Variants in KLF8 observed in about 807,000 individuals in gnomAD.
The protein encoded by KLF8 is KLF transcription factor 8, also known as Krueppel-like factor 8.
KLF8 carries 10 observed loss-of-function variants against 18.2 expected under a neutral mutation model. That is an observed-to-expected ratio of 0.55 (90% confidence interval 0.34 to 0.93). The LOEUF is 0.93. KLF8 is among the 40% of genes least tolerant of loss of function. KLF8 has a pLI of 0.02. For missense variants in KLF8, 264 were observed against 277.9 expected (o/e 0.95, Z 0.36); for synonymous variants, 109 against 97.3 (o/e 1.12, Z -0.71).
chrX:55,951,724 G>T, the KLF8 span, among the ~76,000 whole-genome samples: 1 of 110,184 alleles, frequency 9.1e-6, no homozygotes, highest in Non-Finnish European at 1.9e-5. Flanking sequence ...GACCTTAAAA[G>T]ATCTGGTAAA....
the KLF8 span, among the ~76,000 whole-genome samples, chrX:55,951,747 T>A: frequency 1.8e-5 from 2 of 110,386 alleles, no homozygotes; most frequent in South Asian, 7.8e-4. Context: ...TATATATATA[T>A]AGGAACAGTG....
At chrX:55,956,162 T>TATC in the KLF8 span, among the ~76,000 whole-genome samples, 66 of 87,527 alleles carry the variant, frequency 7.5e-4, no homozygotes, top group African/African-American at 4.0e-3. Context: ...TCTATCTATC[T>TATC]ATCTATCATC....
At chrX:56,183,808 T>C in the KLF8 span, among the ~76,000 whole-genome samples, 1 of 111,653 alleles carries the variant, frequency 9.0e-6, no homozygotes, top group Non-Finnish European at 1.9e-5. Flanking sequence ...TCAATAATAA[T>C]ATTTATTGTA....
At chrX:56,269,171 G>A in intron 3 of KLF8, 1 of 1,004,512 alleles carries the variant, frequency 1.0e-6, no homozygotes, top group South Asian at 3.1e-5. Context: ...TACTTTAAAG[G>A]CATTTCTGTT....
the KLF8 span, among the ~76,000 whole-genome samples, chrX:56,019,510 C>A: frequency 8.9e-6 from 1 of 112,550 alleles, no homozygotes; most frequent in African/African-American, 3.2e-5. Context: ...ATGCAGCAAA[C>A]TCTGCAAAGA....
chrX:56,057,106 G>T, the KLF8 span, among the ~76,000 whole-genome samples: 7 of 111,819 alleles, frequency 6.3e-5, no homozygotes, highest in Admixed American at 1.9e-4. Flanking sequence ...GGGGCCAAGG[G>T]GTCCTTTTTT....
At chrX:55,977,712 G>T in the KLF8 span, among the ~76,000 whole-genome samples, 1 of 111,650 alleles carries the variant, frequency 9.0e-6, no homozygotes, top group South Asian at 3.7e-4. Context: ...ATGTTAAAGG[G>T]TAGCCATTGG....
At chrX:56,190,439 A>C in the KLF8 span, among the ~76,000 whole-genome samples, 1 of 111,984 alleles carries the variant, frequency 8.9e-6, no homozygotes, top group Non-Finnish European at 1.9e-5. Flanking sequence ...GGAAATCAAC[A>C]AAGAATAATC....
At chrX:56,113,089 T>A in the KLF8 span, among the ~76,000 whole-genome samples, 2 of 109,196 alleles carry the variant, frequency 1.8e-5, no homozygotes, top group African/African-American at 3.3e-5. Flanking sequence ...GGTACATGGC[T>A]GTAGTCCCAG....
the KLF8 span, among the ~76,000 whole-genome samples, chrX:56,183,312 G>T: frequency 1.5e-4 from 17 of 112,231 alleles, no homozygotes; most frequent in Non-Finnish European, 3.0e-4. Context: ...TACTAAGACT[G>T]ATGGAAAAGT....
chrX:56,058,743 G>T, the KLF8 span, among the ~76,000 whole-genome samples: 5 of 111,021 alleles, frequency 4.5e-5, no homozygotes, highest in African/African-American at 1.6e-4. Context: ...TCTTTATCCA[G>T]TCTATCATTG....
chrX:56,201,825 T>C, the KLF8 span, among the ~76,000 whole-genome samples: 3 of 111,774 alleles, frequency 2.7e-5, no homozygotes, highest in East Asian at 8.3e-4. Context: ...AAAAACCCAG[T>C]AGCCTAAATA....
the KLF8 span, among the ~76,000 whole-genome samples, chrX:56,101,086 A>G: frequency 2.7e-5 from 3 of 111,246 alleles, no homozygotes; most frequent in Admixed American, 2.9e-4. Flanking sequence ...GAGCATAGTA[A>G]CCAATAGGTA....
the KLF8 span, among the ~76,000 whole-genome samples, chrX:56,167,577 C>A: frequency 8.9e-6 from 1 of 111,810 alleles, no homozygotes; most frequent in African/African-American, 3.2e-5. Flanking sequence ...ACTAGGAAAC[C>A]CCCTGAGAGT....
the KLF8 span, among the ~76,000 whole-genome samples, chrX:56,101,543 C>A: frequency 0.027 from 2,983 of 111,833 alleles, 93 homozygotes; most frequent in African/African-American, 0.093. Flanking sequence ...AATCTCCAAA[C>A]TGCTTTCCAC....
At chrX:56,051,723 T>C in the KLF8 span, among the ~76,000 whole-genome samples, 71 of 108,567 alleles carry the variant, frequency 6.5e-4, no homozygotes, top group African/African-American at 1.9e-3. Context: ...ATTTCAACTT[T>C]GGTGAATCTG....
the KLF8 span, among the ~76,000 whole-genome samples, chrX:56,195,469 G>A: frequency 3.6e-5 from 4 of 111,971 alleles, no homozygotes; most frequent in African/African-American, 1.3e-4. Context: ...CAATGAAGTG[G>A]AAGAAAGGGT....
the KLF8 span, among the ~76,000 whole-genome samples, chrX:56,049,661 C>T: frequency 1.1e-4 from 11 of 102,696 alleles, no homozygotes; most frequent in Admixed American, 4.3e-4. Flanking sequence ...CTGCTGGATT[C>T]GGTTTGCCAG....
the KLF8 span, among the ~76,000 whole-genome samples, chrX:56,073,132 G>T: frequency 3.7e-5 from 4 of 109,533 alleles, no homozygotes; most frequent in Admixed American, 2.0e-4. Context: ...GACTACAGGC[G>T]CCCGCCACCA....
Sources: allele counts gnomAD v4.1 joint callset (sites outside exome capture counted in the v4.1 genomes callset), GRCh38; gene constraint gnomAD v4.1.1; transcripts MANE v1.5; gene names NCBI Gene and HGNC (gene_info 2026-07-23, HGNC 2026-07-21).